MARCHF1: variants seen among roughly 807,000 people sequenced by gnomAD.
MARCHF1 encodes the protein E3 ubiquitin-protein ligase MARCHF1.
A neutral mutation model predicts 54.2 loss-of-function variants in MARCHF1; 40 were observed. The observed-to-expected ratio is 0.74, with a 90% confidence interval of 0.57 to 0.96. The LOEUF (loss-of-function observed/expected upper bound fraction) is 0.96, where lower values mean the gene tolerates loss of function less well. Ranked by LOEUF, MARCHF1 falls within the 40% of genes least tolerant of loss-of-function variation. The probability of loss-of-function intolerance (pLI) is 0.00; values close to 1 mark genes in which losing one functional copy is unlikely to be tolerated. For synonymous variants in MARCHF1, 236 were observed against 236.3 expected (o/e 1.00, Z 0.01); for missense variants, 586 against 656.5 (o/e 0.89, Z 1.17).
chr4:163,737,739 C>A (rs1473759088), intron 4 of MARCHF1, among the ~76,000 whole-genome samples: 1 of 119,858 alleles, frequency 8.3e-6, no homozygotes, highest in East Asian at 2.0e-4. Context: ...GAATGGCAAT[C>A]ATTAAAAAGT....
intron 1 of MARCHF1, among the ~76,000 whole-genome samples, chr4:164,323,995 C>T (rs1235548023): frequency 1.3e-5 from 2 of 151,766 alleles, no homozygotes; most frequent in East Asian, 1.9e-4. Context: ...GACAGCATAA[C>T]TTTCATGCCA....
At chr4:163,727,783 C>A (rs9683555) in intron 4 of MARCHF1, among the ~76,000 whole-genome samples, 5,809 of 152,088 alleles carry the variant, frequency 0.038, 169 homozygotes, top group East Asian at 0.076. Flanking sequence ...AATGATCCTC[C>A]CACTTCAGCT....
At chr4:163,818,855 T>C (rs1182324604) in intron 4 of MARCHF1, among the ~76,000 whole-genome samples, 4 of 152,130 alleles carry the variant, frequency 2.6e-5, no homozygotes, top group Non-Finnish European at 5.9e-5. Context: ...AGTTCTCATA[T>C]GATCACTTCT....
At chr4:163,604,058 T>A (rs1197502213) in intron 7 of MARCHF1, among the ~76,000 whole-genome samples, 1 of 152,120 alleles carries the variant, frequency 6.6e-6, no homozygotes, top group Non-Finnish European at 1.5e-5. Flanking sequence ...TCTTTCCCCC[T>A]CCCAGGGAAT....
intron 8 of MARCHF1, among the ~76,000 whole-genome samples, chr4:163,573,308 T>TTA (rs1208416905): frequency 6.9e-6 from 1 of 144,232 alleles, no homozygotes; most frequent in Non-Finnish European, 1.5e-5. Flanking sequence ...ATTATTATTA[T>TTA]TATTATTATT....
intron 4 of MARCHF1, among the ~76,000 whole-genome samples, chr4:163,797,707 C>A (rs1747958679): frequency 6.6e-6 from 1 of 151,826 alleles, no homozygotes; most frequent in Non-Finnish European, 1.5e-5. Context: ...TTATTTATTT[C>A]TAGAGTTTCA....
intron 2 of MARCHF1, among the ~76,000 whole-genome samples, chr4:164,007,674 G>C (rs956082540): frequency 4.6e-5 from 7 of 151,374 alleles, no homozygotes; most frequent in Non-Finnish European, 1.0e-4. Context: ...GTGTGTGTGT[G>C]TGTGTGTGTG....
chr4:163,579,184 G>T (rs953703851), intron 8 of MARCHF1, among the ~76,000 whole-genome samples: 3 of 152,114 alleles, frequency 2.0e-5, no homozygotes, highest in African/African-American at 7.2e-5. Flanking sequence ...TAAATCAGGA[G>T]ACACTTATAC....
intron 1 of MARCHF1, among the ~76,000 whole-genome samples, chr4:164,213,433 C>A (rs1014375546): frequency 4.0e-5 from 6 of 151,704 alleles, no homozygotes; most frequent in African/African-American, 1.5e-4. Flanking sequence ...GACGGGGTTT[C>A]ACCGTGTTAG....
intron 1 of MARCHF1, among the ~76,000 whole-genome samples, chr4:164,210,831 A>G (rs138554697): frequency 0.021 from 3,146 of 152,202 alleles, 61 homozygotes; most frequent in Non-Finnish European, 0.028. Flanking sequence ...GATAAAGAAA[A>G]TGTGGCAAAT....
chr4:163,873,050 AAAAC>A lies in MARCHF1; in HGVS notation c.-38-18885_-38-18882del, dbSNP rs1227154097. ...CAGAGCGAGACTCCGTCTCAAAAAA[AAAAC>A]AAACAAACAAACAAAAAAAAACAAA... On this transcript the variant is annotated intron_variant, in intron 3 of 9. Transcript: ENST00000514618. 3.0e-3 allele frequency among the ~76,000 whole-genome samples: 458 copies of A among 150,630 alleles called. 5 individuals are homozygous for A. The highest frequency in any genetic ancestry group is 0.01 in the African/African-American group (427 of 40,958).
At chr4:163,604,306 C>T (rs776494116) in intron 7 of MARCHF1, among the ~76,000 whole-genome samples, 21 of 152,126 alleles carry the variant, frequency 1.4e-4, no homozygotes, top group Non-Finnish European at 2.6e-4. Flanking sequence ...CTTTTTAAAT[C>T]TCTCTCTCAA....
chr4:163,562,748 T>C (rs948222256), intron 8 of MARCHF1, among the ~76,000 whole-genome samples: 1 of 152,204 alleles, frequency 6.6e-6, no homozygotes, highest in African/African-American at 2.4e-5. Flanking sequence ...CCCAAACCCA[T>C]GTGTCCTGAT....
intron 1 of MARCHF1, among the ~76,000 whole-genome samples, chr4:164,182,739 G>A (rs368363310): frequency 7.2e-5 from 11 of 151,834 alleles, no homozygotes; most frequent in East Asian, 5.8e-4. Flanking sequence ...ACACAGTGAT[G>A]CTCAATATAT....
At chr4:164,184,812 G>GA (rs1730926103) in intron 1 of MARCHF1, among the ~76,000 whole-genome samples, 1 of 152,130 alleles carries the variant, frequency 6.6e-6, no homozygotes, top group South Asian at 2.1e-4. Flanking sequence ...CCAAGATTCT[G>GA]AGTGATTATA....
intron 1 of MARCHF1, among the ~76,000 whole-genome samples, chr4:164,341,261 T>A: frequency 7.1e-6 from 1 of 140,434 alleles, no homozygotes. Context: ...AACCACCAGC[T>A]TACATCAAAA....
At chr4:163,929,106 A>G (rs1289850876) in intron 3 of MARCHF1, among the ~76,000 whole-genome samples, 1 of 152,032 alleles carries the variant, frequency 6.6e-6, no homozygotes, top group Non-Finnish European at 1.5e-5. Context: ...CTTAAGTAGG[A>G]TACTTTCTCT....
At chr4:163,734,457 C>T (rs1745973845) in intron 4 of MARCHF1, among the ~76,000 whole-genome samples, 1 of 150,952 alleles carries the variant, frequency 6.6e-6, no homozygotes, top group Admixed American at 6.7e-5. Context: ...ACGATGACAT[C>T]TTATTTATCA....
intron 7 of MARCHF1, among the ~76,000 whole-genome samples, chr4:163,606,612 G>A (rs1306483129): frequency 6.6e-6 from 1 of 152,020 alleles, no homozygotes; most frequent in African/African-American, 2.4e-5. Context: ...ATTTGGAGAC[G>A]AGGAGTGAGA....
Sources: gnomAD v4.1 joint callset for allele counts (sites outside exome capture counted in the v4.1 genomes callset) on GRCh38, gnomAD v4.1.1 for gene constraint, MANE v1.5 for transcripts, NCBI Gene and HGNC (gene_info 2026-07-23, HGNC 2026-07-21) for gene names.